ZFHX3: variants seen among roughly 807,000 people sequenced by gnomAD.
ZFHX3 encodes the protein zinc finger homeobox protein 3.
In ZFHX3, 42 loss-of-function variants were observed where a neutral mutation model predicts 279.1. The ratio of observed to expected loss-of-function variants is 0.15; its 90% CI spans 0.12 to 0.19. The LOEUF (loss-of-function observed/expected upper bound fraction) is 0.19. Among genes scored for constraint, ZFHX3 ranks in the 10% least tolerant of loss-of-function variants. ZFHX3 has a pLI of 1.00. For synonymous variants in ZFHX3, 2,293 were observed against 1,957.8 expected, an observed-to-expected ratio of 1.17 and a Z score of -4.52; for missense variants, 4,981 against 4,754.0, an observed-to-expected ratio of 1.05 and a Z score of -1.40.
At chr16:73,803,030 A>G (rs1033684207) in intron 1 of ZFHX3, among the ~76,000 whole-genome samples, 5 of 152,094 alleles carry the variant, frequency 3.3e-5, no homozygotes, top group Admixed American at 6.6e-5. Context: ...TGAACTCCTG[A>G]CCTCAGGAGA....
intron 2 of ZFHX3, among the ~76,000 whole-genome samples, chr16:73,652,657 AGTT>A (rs1454002679): frequency 6.6e-6 from 1 of 152,170 alleles, no homozygotes; most frequent in African/African-American, 2.4e-5. Flanking sequence ...GAGTAAATGA[AGTT>A]AACGTGTTAA....
At chr16:73,768,751 C>G (rs2053982953) in intron 1 of ZFHX3, among the ~76,000 whole-genome samples, 1 of 152,066 alleles carries the variant, frequency 6.6e-6, no homozygotes, top group Non-Finnish European at 1.5e-5. Context: ...TCTTTCATTC[C>G]ACAGATATTT....
At chr16:73,141,998 G>T (rs1966848854) in intron 6 of ZFHX3, among the ~76,000 whole-genome samples, 1 of 152,180 alleles carries the variant, frequency 6.6e-6, no homozygotes, top group Admixed American at 6.5e-5. Flanking sequence ...CTGTTGAGCA[G>T]GTAAAACTGA....
intron 4 of ZFHX3, among the ~76,000 whole-genome samples, chr16:72,849,003 A>G (rs1420044136): frequency 1.3e-5 from 2 of 152,140 alleles, no homozygotes; most frequent in African/African-American, 4.8e-5. Context: ...AAAAAGGCAC[A>G]GCTTCAAATC....
intron 3 of ZFHX3, among the ~76,000 whole-genome samples, chr16:72,916,569 T>C (rs4788676): frequency 0.18 from 27,073 of 152,172 alleles, 2,672 homozygotes; most frequent in Non-Finnish European, 0.22. Flanking sequence ...TTTGTACGAA[T>C]TGACTAACGA....
chr16:73,494,955 A>G (rs1038985798), intron 2 of ZFHX3, among the ~76,000 whole-genome samples: 10 of 152,158 alleles, frequency 6.6e-5, no homozygotes, highest in African/African-American at 1.9e-4. Context: ...AAAGAAAAAA[A>G]TGAGTGGTGT....
intron 2 of ZFHX3, among the ~76,000 whole-genome samples, chr16:73,518,691 G>A (rs904798059): frequency 6.6e-6 from 1 of 152,128 alleles, no homozygotes; most frequent in Non-Finnish European, 1.5e-5. Context: ...TTCAGGTTTT[G>A]CCGAAAGAAA....
Position 73,031,503 on chromosome 16 carries a change from C to T in ZFHX3, c.-50+16249G>A, listed in dbSNP as rs150899400. 4.7e-3 allele frequency among the ~76,000 whole-genome samples: 716 copies of T among 152,266 alleles called. 3 individuals carry two copies. Among genetic ancestry groups the T allele is most frequent in the African/African-American group, 0.015 (631 of 41,542 alleles). ...GGAACCACAACCTGCTTTTGATGAT[C>T]CATTTTGGTCCCTGCCTCATACAAC... On this transcript the variant is annotated intron_variant, in intron 1 of 9. Coordinates refer to ENST00000268489, the MANE Select transcript of ZFHX3 (RefSeq NM_006885.4).
intron 5 of ZFHX3, among the ~76,000 whole-genome samples, chr16:73,235,595 A>G (rs1269159571): frequency 6.6e-6 from 1 of 152,196 alleles, no homozygotes; most frequent in African/African-American, 2.4e-5. Flanking sequence ...ATGGGGGAAT[A>G]AAAGTTGTGC....
intron 2 of ZFHX3, among the ~76,000 whole-genome samples, chr16:73,565,622 G>A (rs2143797175): frequency 6.6e-6 from 1 of 152,266 alleles, no homozygotes; most frequent in South Asian, 2.1e-4. Flanking sequence ...ATATATAAAT[G>A]AGAAAAATAA....
At chr16:72,961,198 A>G (rs539290531) in intron 1 of ZFHX3, among the ~76,000 whole-genome samples, 1 of 152,252 alleles carries the variant, frequency 6.6e-6, no homozygotes, top group East Asian at 1.9e-4. Flanking sequence ...TCTGAGCAGC[A>G]AGCCGAGACG....
intron 1 of ZFHX3, among the ~76,000 whole-genome samples, chr16:73,047,436 C>T (rs1402959829): frequency 6.6e-6 from 1 of 152,042 alleles, no homozygotes. Flanking sequence ...GGCGGAGGCA[C>T]CCAAACTTCT....
At chr16:73,197,038 T>C (rs1258140090) in intron 5 of ZFHX3, among the ~76,000 whole-genome samples, 2 of 152,168 alleles carry the variant, frequency 1.3e-5, no homozygotes, top group African/African-American at 2.4e-5. Flanking sequence ...CATCTTCTGA[T>C]GGAAGGAGTT....
At chr16:73,051,877 AC>A (rs1318169543), upstream of ZFHX3, among the ~76,000 whole-genome samples, 1 of 152,184 alleles carries the variant, frequency 6.6e-6, no homozygotes, top group Non-Finnish European at 1.5e-5. Context: ...GCCATGCAAG[AC>A]TTTTAAACAC....
At position 73,832,354 on chromosome 16, in the gene ZFHX3, C is replaced by T. The variant is rs189949718; in HGVS notation, c.-1608+59297G>A. 3.3e-5 allele frequency among the ~76,000 whole-genome samples: 5 copies of T among 152,220 alleles called. No homozygotes were observed. In the East Asian group the frequency reaches 9.6e-4, roughly 29 times the overall value. On this transcript the variant is annotated intron_variant, in intron 1 of 17. Coordinates refer to the ZFHX3 transcript ENST00000641206. ...TCACTTGGGGCTGCTTGGACATAAG[C>T]CCCTATGTTTACTGTATAAGGAATG...
rs111471633 is a variant in ZFHX3 at position 73,474,811 on chromosome 16, G to A, written c.-1546-18553C>T. 3.5e-3 allele frequency among the ~76,000 whole-genome samples: 526 copies of A among 152,336 alleles called. 1 individual carries two copies. Among genetic ancestry groups the A allele is most frequent in the African/African-American group, 0.012 (503 of 41,566 alleles). On this transcript the variant is annotated intron_variant, in intron 2 of 17. Transcript: ENST00000641206. ...ATAGTAAATGCTCAACAAATGCTTC[G>A]TGGTTGGTTATGTCGATTAACCTAT...
At chr16:73,537,159 T>C (rs1384650892) in intron 2 of ZFHX3, among the ~76,000 whole-genome samples, 1 of 152,122 alleles carries the variant, frequency 6.6e-6, no homozygotes, top group Admixed American at 6.5e-5. Context: ...GTAGACATGA[T>C]GCTTTGGGCT....
chr16:73,662,906 TTTC>T (rs2052800288), intron 2 of ZFHX3, among the ~76,000 whole-genome samples: 1 of 152,164 alleles, frequency 6.6e-6, no homozygotes, highest in Non-Finnish European at 1.5e-5. Context: ...GGGGCTTTTT[TTTC>T]TTCTTCTTTA....
chr16:73,384,802 CCCGAAGG>C lies in ZFHX3; in HGVS notation c.-1290-66473_-1290-66467del, dbSNP rs200582427. On this transcript the variant is annotated intron_variant, in intron 3 of 17. Transcript: ENST00000641206. ...ACTTCCAGCATCCATTCATTCCTCA[CCCGAAGG>C]CAGCAATTTTGAAATATTTCTCTCT... Among the ~76,000 whole-genome samples the C allele has an allele frequency of 2.7e-3, 408 of 152,314 alleles. 11 individuals are homozygous for C. In the East Asian group the frequency reaches 0.068, roughly 25 times the overall value.
Sources: gnomAD v4.1 joint callset for allele counts (sites outside exome capture counted in the v4.1 genomes callset) on GRCh38, gnomAD v4.1.1 for gene constraint, MANE v1.5 for transcripts, NCBI Gene and HGNC (gene_info 2026-07-23, HGNC 2026-07-21) for gene names.